Variants in IQSEC1 observed in about 807,000 individuals in gnomAD.
The protein encoded by IQSEC1 is IQ motif and Sec7 domain ArfGEF 1.
Under a neutral mutation model 91.0 loss-of-function variants are expected in IQSEC1, and 31 were observed. The ratio of observed to expected loss-of-function variants is 0.34; its 90% CI spans 0.26 to 0.46. The LOEUF is 0.46. Among genes scored for constraint, IQSEC1 ranks in the 20% least tolerant of loss-of-function variants. The pLI, the probability that IQSEC1 is intolerant of heterozygous loss-of-function variation, is 1.00. For missense variants in IQSEC1, 1,388 were observed against 1,575.6 expected, an observed-to-expected ratio of 0.88 and a Z score of 2.02; for synonymous variants, 699 against 662.6, an observed-to-expected ratio of 1.05 and a Z score of -0.84.
intron 1 of IQSEC1, among the ~76,000 whole-genome samples, chr3:12,945,801 C>T (rs2686744): frequency 0.98 from 149,674 of 152,342 alleles, 73,530 homozygotes; most frequent in Middle Eastern, 1. Flanking sequence ...AATAAAAATA[C>T]AATTTAAGTG....
intron 1 of IQSEC1, among the ~76,000 whole-genome samples, chr3:13,216,701 C>T (rs1017982074): frequency 3.3e-5 from 5 of 152,224 alleles, no homozygotes; most frequent in Non-Finnish European, 1.5e-5. Context: ...GAGGGCATCC[C>T]TCCAGGGCAC....
intron 1 of IQSEC1, among the ~76,000 whole-genome samples, chr3:13,060,999 G>T (rs1041777177): frequency 6.6e-6 from 1 of 152,162 alleles, no homozygotes; most frequent in Non-Finnish European, 1.5e-5. Context: ...AGTTCCCAAG[G>T]TCTTTTCCCA....
chr3:13,222,042 C>T (rs931468501), intron 1 of IQSEC1, among the ~76,000 whole-genome samples: 3 of 152,216 alleles, frequency 2.0e-5, no homozygotes, highest in Admixed American at 2.0e-4. Flanking sequence ...ACATAACACA[C>T]ATTTACCACC....
intron 1 of IQSEC1, among the ~76,000 whole-genome samples, chr3:13,203,164 TACACACACACACACAC>T (rs10533324): frequency 1.4e-5 from 2 of 148,008 alleles, no homozygotes; most frequent in African/African-American, 2.5e-5. Context: ...TTACCACTAC[TACACACACACACACAC>T]ACACACACAC....
At chr3:12,928,071 T>G (rs1188899797) in intron 3 of IQSEC1, among the ~76,000 whole-genome samples, 1 of 152,118 alleles carries the variant, frequency 6.6e-6, no homozygotes, top group Non-Finnish European at 1.5e-5. Context: ...ACAAGAGCGA[T>G]GCCATGCTGG....
chr3:12,915,691 C>T lies in IQSEC1; in HGVS notation c.2063G>A (p.Gly688Glu), dbSNP rs1481452882. ...GEDIPREMLMGIYERIRKREL... is the reference protein window; with the variant it reads ...GEDIPREMLMEIYERIRKREL... ...TCGCTTACGGATCCGTTCATAGATC[C>T]CCATCAGCATCTCACGGGGAATGTC... The change falls in exon 7 of 14, where the codon GGG becomes GAG. Residue 688 changes from glycine (G) to glutamate (E), a missense_variant. Physicochemically the swap from Gly to Glu is moderately conservative, Grantham distance 98. This residue lies in a region of IQSEC1 where 1,059 missense variants were observed against 1,317.8 expected (regional missense o/e 0.80). Transcript: ENST00000613206. The T allele has an allele frequency of 6.2e-7, 1 of 1,614,174 alleles. No individual in the cohort carries two copies. The highest frequency in any genetic ancestry group is 8.5e-7 in the Non-Finnish European group (1 of 1,180,024).
Position 12,922,111 on chromosome 3 carries a change from G to A in IQSEC1, c.1853+9C>T, listed in dbSNP as rs750968546. The A allele has an allele frequency of 6.3e-6, 10 of 1,576,630 alleles. No individual in the cohort carries two copies. Among genetic ancestry groups the A allele is most frequent in the South Asian group, 5.7e-5 (5 of 88,358 alleles). ...CTGATGCAGCAGCCCCAGCCAGCCCGGGCCCCACCTGAACGCCTCTATGAG... is the reference window on the plus strand; with the variant it reads ...CTGATGCAGCAGCCCCAGCCAGCCCAGGCCCCACCTGAACGCCTCTATGAG... On this transcript the variant is annotated intron_variant, in intron 5 of 13. Coordinates refer to ENST00000613206, the MANE Select transcript of IQSEC1 (RefSeq NM_001134382.3). This position sits in a 1 kb window ranked among gnomAD's most constrained non-coding sequence, Gnocchi z 5.1.
At chr3:12,906,763 C>T (rs1007355502) in intron 12 of IQSEC1, among the ~76,000 whole-genome samples, 3 of 152,332 alleles carry the variant, frequency 2.0e-5, no homozygotes, top group East Asian at 1.9e-4. Flanking sequence ...GGCCCTGGGG[C>T]GGATGGCGCT....
intron 2 of IQSEC1, among the ~76,000 whole-genome samples, chr3:13,093,724 G>A (rs186498155): frequency 6.6e-6 from 1 of 152,300 alleles, no homozygotes; most frequent in African/African-American, 2.4e-5. Context: ...GATGACGACT[G>A]AGGCATACAC....
chr3:13,203,164 TACACACACAC>T (rs10533324), intron 1 of IQSEC1, among the ~76,000 whole-genome samples: 1 of 148,008 alleles, frequency 6.8e-6, no homozygotes, highest in South Asian at 2.2e-4. Context: ...TTACCACTAC[TACACACACAC>T]ACACACACAC....
At chr3:12,933,122 A>G (rs1473571649) in intron 3 of IQSEC1, among the ~76,000 whole-genome samples, 1 of 152,256 alleles carries the variant, frequency 6.6e-6, no homozygotes, top group East Asian at 1.9e-4. Flanking sequence ...AGGCCGGGAC[A>G]TACCACCCCG....
chr3:13,277,731 GA>G (rs1358887818), intron 1 of IQSEC1, among the ~76,000 whole-genome samples: 1 of 152,160 alleles, frequency 6.6e-6, no homozygotes, highest in East Asian at 1.9e-4. Flanking sequence ...ACCAAAACAT[GA>G]CACAGTATCT....
intron 3 of IQSEC1, among the ~76,000 whole-genome samples, chr3:12,928,608 A>T (rs1214841717): frequency 6.6e-6 from 1 of 151,936 alleles, no homozygotes; most frequent in Non-Finnish European, 1.5e-5. Context: ...ACCCTCCCCT[A>T]CTCCTAGCCC....
At chr3:13,161,475 T>G (rs1707175806) in intron 2 of IQSEC1, among the ~76,000 whole-genome samples, 1 of 151,532 alleles carries the variant, frequency 6.6e-6, no homozygotes, top group South Asian at 2.1e-4. Context: ...GTCCAGAGGG[T>G]GGGGGCAGGG....
chr3:13,234,144 G>A (rs560514391), intron 1 of IQSEC1, among the ~76,000 whole-genome samples: 3 of 152,248 alleles, frequency 2.0e-5, no homozygotes, highest in Non-Finnish European at 2.9e-5. Context: ...GCCTGTGTTT[G>A]TCTGTGTGTA....
At position 13,243,692 on chromosome 3, in the gene IQSEC1, C is replaced by T. The variant is rs180676898; in HGVS notation, c.272+39019G>A. On this transcript the variant is annotated intron_variant, in intron 1 of 15. Coordinates refer to the IQSEC1 transcript ENST00000648114. ...ACCAGCAGGAGCCAATGCGCTTCCT[C>T]TTCACTGTCTGGAGGGGCATGTGGG... Among the ~76,000 whole-genome samples the T allele has an allele frequency of 1.5e-4, 22 of 151,528 alleles. 1 individual carries two copies. In the East Asian group the frequency reaches 4.3e-3, roughly 29 times the overall value.
rs536743853 is a variant in IQSEC1, at chr3:13,117,011, T to C, written c.302+47093A>G. The stretch of plus-strand genomic sequence containing the variant: ...GCTTCATCAAAACTAAAAACTTTTG[T>C]GATTTAAAGAACACTATGAAGAAAA... On this transcript the variant is annotated intron_variant, in intron 2 of 15. Transcript: ENST00000648114. 6.6e-5 allele frequency among the ~76,000 whole-genome samples: 10 copies of C among 151,454 alleles called. No homozygotes were observed. In the South Asian group the frequency reaches 2.1e-3, roughly 32 times the overall value.
intron 1 of IQSEC1, among the ~76,000 whole-genome samples, chr3:12,989,486 CA>C (rs1257818960): frequency 6.6e-6 from 1 of 152,174 alleles, no homozygotes; most frequent in South Asian, 2.1e-4. Flanking sequence ...GAGGAGAAAA[CA>C]GGGAGGCCTA....
At chr3:13,057,101 C>T (rs1439152397) in intron 1 of IQSEC1, among the ~76,000 whole-genome samples, 7 of 152,164 alleles carry the variant, frequency 4.6e-5, no homozygotes, top group South Asian at 2.1e-4. Context: ...ATACACGTTC[C>T]CCTGGTCTCT....
Sources: allele counts gnomAD v4.1 joint callset (sites outside exome capture counted in the v4.1 genomes callset), GRCh38; gene constraint gnomAD v4.1.1; regional missense constraint gnomAD v4.1.1; non-coding constraint Gnocchi (gnomAD v3.1); transcripts MANE v1.5; gene names NCBI Gene and HGNC (gene_info 2026-07-23, HGNC 2026-07-21).